The following ZC2HC1A variants were observed in gnomAD, a reference collection of about 807,000 sequenced individuals.
ZC2HC1A encodes zinc finger C2HC-type containing 1A, also known as zinc finger C2HC domain-containing protein 1A.
In ZC2HC1A, 28 loss-of-function variants were observed where a neutral mutation model predicts 40.7. The observed-to-expected ratio is 0.69, with a 90% CI of 0.51 to 0.94. The LOEUF (loss-of-function observed/expected upper bound fraction) is 0.94. Ranked by LOEUF, ZC2HC1A falls within the 40% of genes least tolerant of loss-of-function variation. The probability of loss-of-function intolerance (pLI) is 0.00; values close to 1 mark genes in which losing one functional copy is unlikely to be tolerated. For synonymous variants in ZC2HC1A, 129 were observed against 129.2 expected (o/e 1.00, Z 0.01); for missense variants, 389 against 386.3 (o/e 1.01, Z -0.06).
At chr8:78,666,566 C>T (rs1370484935) in intron 1 of ZC2HC1A, among the ~76,000 whole-genome samples, 1 of 152,238 alleles carries the variant, frequency 6.6e-6, no homozygotes, top group African/African-American at 2.4e-5. Flanking sequence ...CAACAGGCCA[C>T]TTTGTGCTGC....
Position 78,686,618 on chromosome 8 carries a change from A to G in ZC2HC1A, c.352+10A>G. The G allele has an allele frequency of 6.8e-7, 1 of 1,469,488 alleles. No individual in the cohort carries two copies. The highest frequency in any genetic ancestry group is 9.0e-7 in the Non-Finnish European group (1 of 1,111,420). The allele number at this position is 1,469,488 out of a possible 1,614,324, so 91.0% of individuals were successfully genotyped here. On this transcript the variant is annotated intron_variant, in intron 4 of 8. Transcript: ENST00000263849. ...CCTTCTTATGATCCTGGTATTTGGA[A>G]TATTGTTGACAGAAATGTTCATGTG...
chr8:78,702,124 A>G lies in ZC2HC1A; in HGVS notation c.704+3611A>G, dbSNP rs138571938. Among the ~76,000 whole-genome samples the G allele has an allele frequency of 6.4e-3, 980 of 152,178 alleles. 12 individuals are homozygous for G. Among genetic ancestry groups the G allele is most frequent in the African/African-American group, 0.021 (889 of 41,516 alleles). The stretch of plus-strand genomic sequence containing the variant: ...CTGGGCTTTTTTCAATTGGTAAGCT[A>G]TTTATTACTGCCTCAGTTTCAGAAC... On this transcript the variant is annotated intron_variant, in intron 7 of 8. Transcript: ENST00000263849.
chr8:78,715,466 T>C, intron 8 of ZC2HC1A, 138 bp downstream of exon 8: 1 of 723,340 alleles, frequency 1.4e-6, no homozygotes, highest in South Asian at 2.2e-5. Context: ...TTTTAAGTTG[T>C]ACACCTCTAA....
chr8:78,712,058 C>T, intron 7 of ZC2HC1A: 4 of 1,289,594 alleles, frequency 3.1e-6, no homozygotes, highest in Non-Finnish European at 4.0e-6. Flanking sequence ...GACAGTGATA[C>T]AAAATCAGAC....
chr8:78,667,422 A>G (rs879603767), intron 1 of ZC2HC1A, among the ~76,000 whole-genome samples: 3 of 152,112 alleles, frequency 2.0e-5, no homozygotes, highest in Non-Finnish European at 2.9e-5. Flanking sequence ...ATACTTTTGT[A>G]TCTTGGTGGG....
chr8:78,714,911 A>C (rs1193866613), intron 7 of ZC2HC1A, among the ~76,000 whole-genome samples: 1 of 152,216 alleles, frequency 6.6e-6, no homozygotes, highest in Admixed American at 6.5e-5. Flanking sequence ...TTTGAGGGAA[A>C]TATAAATTTA....
intron 5 of ZC2HC1A, among the ~76,000 whole-genome samples, chr8:78,696,890 C>T (rs1395592334): frequency 4.6e-5 from 7 of 152,136 alleles, no homozygotes; most frequent in African/African-American, 1.7e-4. Flanking sequence ...TGCACCATAG[C>T]TGTTTCTAAG....
At chr8:78,691,089 C>T (rs1409979902) in intron 5 of ZC2HC1A, among the ~76,000 whole-genome samples, 1 of 152,120 alleles carries the variant, frequency 6.6e-6, no homozygotes, top group African/African-American at 2.4e-5. Flanking sequence ...TGATTTACTG[C>T]ATGGGCTAGA....
intron 5 of ZC2HC1A, among the ~76,000 whole-genome samples, chr8:78,690,201 A>G (rs915179909): frequency 2.6e-5 from 4 of 152,176 alleles, no homozygotes; most frequent in African/African-American, 9.7e-5. Context: ...ACTATACTGA[A>G]TAGTGAACCT....
chr8:78,667,790 A>G (rs1416905844), intron 1 of ZC2HC1A, among the ~76,000 whole-genome samples: 1 of 152,176 alleles, frequency 6.6e-6, no homozygotes, highest in Non-Finnish European at 1.5e-5. Context: ...ATTACTATTG[A>G]AACCTTACTA....
chr8:78,683,816 TC>T (rs760592379), intron 3 of ZC2HC1A, among the ~76,000 whole-genome samples: 2 of 152,184 alleles, frequency 1.3e-5, no homozygotes, highest in Admixed American at 6.5e-5. Flanking sequence ...AATGCTTTGC[TC>T]CCCAGAAATT....
intron 1 of ZC2HC1A, among the ~76,000 whole-genome samples, chr8:78,671,792 G>T (rs1052290449): frequency 1.3e-5 from 2 of 151,330 alleles, no homozygotes; most frequent in African/African-American, 4.9e-5. Context: ...CCTTAATGTG[G>T]TGTACACTAC....
intron 7 of ZC2HC1A, among the ~76,000 whole-genome samples, chr8:78,714,828 C>T (rs774900964): frequency 3.3e-5 from 5 of 152,044 alleles, no homozygotes; most frequent in Non-Finnish European, 5.9e-5. Context: ...TTAACTACAT[C>T]GTATATGCCT....
At chr8:78,714,858 G>A (rs1204071176) in intron 7 of ZC2HC1A, among the ~76,000 whole-genome samples, 2 of 151,998 alleles carry the variant, frequency 1.3e-5, no homozygotes, top group Non-Finnish European at 2.9e-5. Flanking sequence ...AAACTTGTTT[G>A]TTTATTTAAC....
chr8:78,707,557 T>G lies in ZC2HC1A; in HGVS notation c.705-7664T>G, dbSNP rs189934680. Among the ~76,000 whole-genome samples the G allele has an allele frequency of 4.6e-4, 70 of 152,316 alleles. 1 individual carries two copies. The highest frequency in any genetic ancestry group is 1.6e-3 in the African/African-American group (67 of 41,566). On this transcript the variant is annotated intron_variant, in intron 7 of 8. Coordinates refer to ENST00000263849, the MANE Select transcript of ZC2HC1A (RefSeq NM_016010.3). ...ATATGCTTTTGCTAACAAGCAGAGA[T>G]TTTGAGTACAATAATTTTGTCAGTT...
Position 78,675,781 on chromosome 8 carries a change from T to A in ZC2HC1A, c.17-6T>A, listed in dbSNP as rs1198165069. The A allele has an allele frequency of 3.1e-6, 5 of 1,599,768 alleles. No homozygotes were observed. Among genetic ancestry groups the A allele is most frequent in the Non-Finnish European group, 3.4e-6 (4 of 1,171,886 alleles). ...AAATTATTTATTAAATTCCTTCCTG[T>A]TTTAGAGAATGGAGGTGTTGTCCAA... On this transcript the variant is annotated splice_polypyrimidine_tract_variant and splice_region_variant and intron_variant, in intron 1 of 8. Transcript: ENST00000263849.
At chr8:78,678,500 AGTTCTGTAGTCT>A (rs1563621470) in intron 2 of ZC2HC1A, 51 bp from the exon 3 acceptor site, 5 of 1,269,316 alleles carry the variant, frequency 3.9e-6, no homozygotes, top group Non-Finnish European at 5.5e-6. Context: ...ATGTAAATAA[AGTTCTGTAGTCT>A]TACCTTCTGT....
chr8:78,671,292 G>A (rs1052347237), intron 1 of ZC2HC1A, among the ~76,000 whole-genome samples: 4 of 152,158 alleles, frequency 2.6e-5, no homozygotes, highest in Non-Finnish European at 5.9e-5. Context: ...AATCAACAGT[G>A]TGTGCCAGAT....
chr8:78,702,970 C>A (rs149377470), intron 7 of ZC2HC1A, among the ~76,000 whole-genome samples: 5 of 152,092 alleles, frequency 3.3e-5, no homozygotes, highest in African/African-American at 1.2e-4. Context: ...GATCTTGGCT[C>A]GCTGCAACCT....
Sources: allele counts gnomAD v4.1 joint callset (sites outside exome capture counted in the v4.1 genomes callset), GRCh38; gene constraint gnomAD v4.1.1; transcripts MANE v1.5; gene names NCBI Gene and HGNC (gene_info 2026-07-23, HGNC 2026-07-21).